The following IFT46 variants were observed in gnomAD, a reference collection of about 807,000 sequenced individuals.
The protein encoded by IFT46 is intraflagellar transport 46, also known as intraflagellar transport protein 46 homolog.
IFT46 carries 19 observed loss-of-function variants against 39.6 expected under a neutral mutation model. That is an observed-to-expected ratio of 0.48 (90% CI 0.33 to 0.70). The LOEUF is 0.70. Among genes scored for constraint, IFT46 ranks in the 30% least tolerant of loss-of-function variants. The probability of loss-of-function intolerance (pLI) is 0.01; values close to 1 mark genes in which losing one functional copy is unlikely to be tolerated. For synonymous variants in IFT46, 117 were observed against 134.8 expected (o/e 0.87, Z 0.91); for missense variants, 334 against 364.8 (o/e 0.92, Z 0.69).
At chr11:118,570,851 C>T (rs531652238), upstream of IFT46, among the ~76,000 whole-genome samples, 1 of 152,206 alleles carries the variant, frequency 6.6e-6, no homozygotes, top group African/African-American at 2.4e-5. Context: ...TAAAAATTCA[C>T]CTTTTAAAAT....
upstream of IFT46, among the ~76,000 whole-genome samples, chr11:118,575,206 C>A (rs1482119171): frequency 6.6e-6 from 1 of 152,118 alleles, no homozygotes; most frequent in Non-Finnish European, 1.5e-5. Flanking sequence ...TCTCGATCTC[C>A]TCACCTCGTG....
At chr11:118,571,418 C>T (rs556179275) in intron 1 of IFT46, among the ~76,000 whole-genome samples, 1 of 152,268 alleles carries the variant, frequency 6.6e-6, no homozygotes, top group African/African-American at 2.4e-5. Context: ...TTTGTGTTGA[C>T]ATATATTCAG....
chr11:118,569,223 G>T (rs1239471853), upstream of IFT46, among the ~76,000 whole-genome samples: 1 of 151,582 alleles, frequency 6.6e-6, no homozygotes, highest in Non-Finnish European at 1.5e-5. Flanking sequence ...AGGTTGCAGT[G>T]AGCTGAGATC....
chr11:118,561,981 A>C (rs1938071861), intron 2 of IFT46, among the ~76,000 whole-genome samples: 2 of 152,264 alleles, frequency 1.3e-5, no homozygotes, highest in Admixed American at 1.3e-4. Context: ...TCTACAAAAA[A>C]TACAAAAATT....
At chr11:118,557,795 G>T in intron 3 of IFT46, 1 of 1,614,040 alleles carries the variant, frequency 6.2e-7, no homozygotes. Context: ...CATGAGAAGG[G>T]GTCTGGTGGC....
chr11:118,551,989 C>G, intron 8 of IFT46, 137 bp from the exon 9 acceptor site: 1 of 1,018,356 alleles, frequency 9.8e-7, no homozygotes. Flanking sequence ...CTAGACTGGG[C>G]ATACCAAAGT....
chr11:118,554,767 T>C (rs1937770422), intron 6 of IFT46, among the ~76,000 whole-genome samples, 180 bp from the exon 7 acceptor site: 1 of 152,192 alleles, frequency 6.6e-6, no homozygotes, highest in African/African-American at 2.4e-5. Flanking sequence ...TTGTCATAGA[T>C]AATTAGGAAG....
In IFT46 at chr11:118,564,397, T is replaced by G. The variant is rs1252313428; in HGVS notation, c.-36+568A>C. Among the ~76,000 whole-genome samples the G allele has an allele frequency of 4.0e-5, 6 of 151,884 alleles. No individual in the cohort carries two copies. In the South Asian group the frequency reaches 8.3e-4, roughly 21 times the overall value. The stretch of plus-strand genomic sequence containing the variant: ...TTTACCCAAGTGCCAGGCATAAGGC[T>G]GGCACACAGTAGGCATTTTAAAATG... On this transcript the variant is annotated intron_variant, in intron 2 of 11. Transcript: ENST00000264021.
chr11:118,545,659 T>C, intron 10 of IFT46, 134 bp downstream of exon 10: 1 of 1,149,452 alleles, frequency 8.7e-7, no homozygotes, highest in Non-Finnish European at 1.3e-6. Context: ...CTTTGAGTGC[T>C]GCCAAAGAGC....
At chr11:118,572,434 C>T (rs1938362584) in intron 1 of IFT46, 6 of 1,038,412 alleles carry the variant, frequency 5.8e-6, no homozygotes, top group East Asian at 4.1e-5. Flanking sequence ...GAAGCGGCAG[C>T]GGTTCCTGTC....
chr11:118,546,433 G>A, intron 9 of IFT46: 1 of 409,520 alleles, frequency 2.4e-6, no homozygotes, highest in South Asian at 2.9e-5. Flanking sequence ...TGAGGCTGCA[G>A]TGAGCTGAGA....
chr11:118,550,127 G>C (rs1185656562), intron 9 of IFT46, among the ~76,000 whole-genome samples: 1 of 150,882 alleles, frequency 6.6e-6, no homozygotes, highest in African/African-American at 2.4e-5. Flanking sequence ...AGTAGAGATG[G>C]GGTTTCGCCA....
intron 4 of IFT46, among the ~76,000 whole-genome samples, chr11:118,555,953 T>C (rs1374578317): frequency 2.6e-5 from 4 of 151,508 alleles, no homozygotes; most frequent in African/African-American, 9.7e-5. Flanking sequence ...ATATCTGACA[T>C]GAAAATAGTT....
intron 2 of IFT46, among the ~76,000 whole-genome samples, chr11:118,563,150 C>T (rs485444): frequency 6.6e-6 from 1 of 151,436 alleles, no homozygotes; most frequent in Non-Finnish European, 1.5e-5. Context: ...ACAGATGAAC[C>T]TTAAGAACAT....
Position 118,559,799 on chromosome 11 carries a change from C to T in IFT46, c.31G>A (p.Glu11Lys), listed in dbSNP as rs1555070257. 1 of 1,613,240 alleles carries T rather than the reference C, an allele frequency of 6.2e-7. No individual in the cohort carries two copies. The highest frequency in any genetic ancestry group is 8.5e-7 in the Non-Finnish European group (1 of 1,179,356). The stretch of plus-strand genomic sequence containing the variant: ...TTTTACTGTACCTTGTTATTTTCCT[C>T]TTCACACTCATCACTGCTGTTATCA... MADNSSDECEEENNKEKKKTS... is the reference protein window; with the variant it reads MADNSSDECEKENNKEKKKTS... Residue 11 changes from glutamate to lysine, a missense_variant, in exon 3 of 12, where the codon GAG becomes AAG. Transcript: ENST00000264021.
chr11:118,549,272 C>T (rs187144662), intron 9 of IFT46, among the ~76,000 whole-genome samples: 1 of 151,484 alleles, frequency 6.6e-6, no homozygotes, highest in Non-Finnish European at 1.5e-5. Flanking sequence ...AACTCCTGGC[C>T]TCAAGTGATC....
At chr11:118,557,539 A>G (rs1336861172) in intron 3 of IFT46, 2 of 605,238 alleles carry the variant, frequency 3.3e-6, no homozygotes, top group African/African-American at 3.8e-5. Flanking sequence ...CAAAAGAAGA[A>G]AGTTCAAAAT....
upstream of IFT46, among the ~76,000 whole-genome samples, chr11:118,574,841 A>C (rs991929193): frequency 2.6e-5 from 4 of 152,070 alleles, no homozygotes; most frequent in Non-Finnish European, 5.9e-5. Context: ...ATCATAGTGC[A>C]CTGCGGCCTA....
intron 2 of IFT46, chr11:118,560,659 G>T: frequency 3.9e-6 from 2 of 513,478 alleles, no homozygotes; most frequent in Non-Finnish European, 3.6e-6. Flanking sequence ...GGTCTCTGTC[G>T]AGCCGCAAAC....
Sources: allele counts gnomAD v4.1 joint callset (sites outside exome capture counted in the v4.1 genomes callset), GRCh38; gene constraint gnomAD v4.1.1; transcripts MANE v1.5; gene names NCBI Gene and HGNC (gene_info 2026-07-23, HGNC 2026-07-21).